Variants in TERF2 observed in about 807,000 individuals in gnomAD.
The protein encoded by TERF2 is telomeric repeat-binding factor 2.
TERF2 carries 16 observed loss-of-function variants against 56.1 expected under a neutral mutation model. The observed-to-expected ratio is 0.29, with a 90% CI of 0.19 to 0.43. TERF2 has a LOEUF of 0.43. Ranked by LOEUF, TERF2 falls within the 20% of genes least tolerant of loss-of-function variation. The pLI, the probability that TERF2 is intolerant of heterozygous loss-of-function variation, is 1.00. For synonymous variants in TERF2, 296 were observed against 282.1 expected (o/e 1.05, Z -0.50); for missense variants, 547 against 712.9 (o/e 0.77, Z 2.65).
At chr16:69,384,438 C>T (rs1468144608) in intron 3 of TERF2, 142 bp downstream of exon 3, 7 of 865,050 alleles carry the variant, frequency 8.1e-6, no homozygotes, top group Non-Finnish European at 1.0e-5. Flanking sequence ...GAAGAAATAA[C>T]GTCTGTGTGT....
intron 3 of TERF2, among the ~76,000 whole-genome samples, chr16:69,384,307 T>G (rs1287561668): frequency 1.3e-5 from 2 of 152,176 alleles, no homozygotes; most frequent in Non-Finnish European, 2.9e-5. Flanking sequence ...TGCTCCCGAA[T>G]GGTGCAGTAA....
At position 69,385,809 on chromosome 16, in the gene TERF2, G is replaced by T. The variant is rs2014181904; in HGVS notation, c.163C>A (p.Arg55=). The change falls in exon 1 of 10, where the codon CGG becomes AGG. Residue 55 remains arginine, a synonymous_variant. Coordinates refer to ENST00000254942, the MANE Select transcript of TERF2 (RefSeq NM_005652.5). Reference sequence around the variant, plus strand: ...CGGGACGCCCGCCTGCCAGCTGCCCGCCCGCTGCCGTCGCTACTCCCGCCT... The same window carrying T: ...CGGGACGCCCGCCTGCCAGCTGCCCTCCCGCTGCCGTCGCTACTCCCGCCT... ...GGGGSSDGSG[R]AAGRRASRSS... 3 of 1,306,156 alleles carry T rather than the reference G, an allele frequency of 2.3e-6. No homozygotes were observed. Among genetic ancestry groups the T allele is most frequent in the East Asian group, 6.4e-5 (2 of 31,018 alleles). 80.9% of individuals were successfully genotyped at this position (1,306,156 alleles called of 1,614,324 possible).
At chr16:69,378,401 T>A (rs994241184) in intron 3 of TERF2, among the ~76,000 whole-genome samples, 1 of 152,198 alleles carries the variant, frequency 6.6e-6, no homozygotes, top group Non-Finnish European at 1.5e-5. Flanking sequence ...GCCACCGTCA[T>A]TGCTAGGCAG....
chr16:69,385,268 T>G (rs183311789), intron 2 of TERF2, 123 bp downstream of exon 2: 1 of 813,452 alleles, frequency 1.2e-6, no homozygotes, highest in Admixed American at 2.4e-5. Context: ...CATCGTAGAA[T>G]GAAAAAGACC....
intron 7 of TERF2, chr16:69,365,518 AGTT>A (rs1348856478): frequency 1.3e-5 from 2 of 152,480 alleles, no homozygotes; most frequent in African/African-American, 2.4e-5. Flanking sequence ...AGGAGGGAGA[AGTT>A]GTTTTTGTTT....
chr16:69,357,064 A>C lies in TERF2; in HGVS notation c.1471-8T>G. 1 of 1,601,470 alleles carries C rather than the reference A, an allele frequency of 6.2e-7. No individual in the cohort carries two copies. Among genetic ancestry groups the C allele is most frequent in the Non-Finnish European group, 8.5e-7 (1 of 1,175,924 alleles). On this transcript the variant is annotated splice_region_variant and splice_polypyrimidine_tract_variant and intron_variant, in intron 9 of 9. Transcript: ENST00000254942. ...TTCTTCTACAGTCCACTTCTGCAAA[A>C]GAAAACCAAAAGATTTATTACCACC...
chr16:69,380,017 G>A (rs989017121), intron 3 of TERF2, among the ~76,000 whole-genome samples: 1 of 151,920 alleles, frequency 6.6e-6, no homozygotes, highest in African/African-American at 2.4e-5. Flanking sequence ...GGGTTCAAGC[G>A]ATTCTCATGC....
chr16:69,360,261 T>C (rs1202164236), intron 8 of TERF2, among the ~76,000 whole-genome samples: 1 of 151,632 alleles, frequency 6.6e-6, no homozygotes, highest in East Asian at 2.0e-4. Flanking sequence ...GCGACACACC[T>C]GCAATCCCAG....
intron 3 of TERF2, 123 bp from the exon 4 acceptor site, chr16:69,372,478 T>C: frequency 3.0e-6 from 2 of 660,122 alleles, no homozygotes; most frequent in East Asian, 3.3e-5. Flanking sequence ...CTAACAATTA[T>C]AAAGCCAGGC....
At chr16:69,385,260 T>C (rs1243800722) in intron 2 of TERF2, 131 bp downstream of exon 2, 1 of 740,092 alleles carries the variant, frequency 1.4e-6, no homozygotes, top group African/African-American at 1.7e-5. Flanking sequence ...AACAGACCCA[T>C]CGTAGAATGA....
In TERF2 at chr16:69,367,164, A is replaced by G; in HGVS notation, c.983T>C (p.Met328Thr). The change falls in exon 7 of 10, where the codon ATG becomes ACG. Residue 328 changes from methionine (M) to threonine (T), a missense_variant. This residue lies in a region of TERF2 where 211 missense variants were observed against 236.8 expected (regional missense o/e 0.89). Transcript: ENST00000254942. ...AGTCTTGAAAGCTGCTTTCAGAGTC[A>G]TCATTCCAATGGTGGTTGGAGGATT... is the stretch of plus-strand genomic sequence containing the variant. ...LRNPPTTIGMMTLKAAFKTLS... is the reference protein window; with the variant it reads ...LRNPPTTIGMTTLKAAFKTLS... The G allele has an allele frequency of 6.2e-7, 1 of 1,614,032 alleles. No individual in the cohort carries two copies. Among genetic ancestry groups the G allele is most frequent in the South Asian group, 1.1e-5 (1 of 91,088 alleles).
At position 69,356,944 on chromosome 16, in the gene TERF2, A is replaced by G; in HGVS notation, c.1583T>C (p.Met528Thr). 1 of 1,614,040 alleles carries G rather than the reference A, an allele frequency of 6.2e-7. No homozygotes were observed. Among genetic ancestry groups the G allele is most frequent in the Non-Finnish European group, 8.5e-7 (1 of 1,180,014 alleles). ...NYPFVNRTAV[M>T]IKDRWRTMKR... is the part of the protein sequence containing the mutation. ...CATGGTCCGCCAGCGATCCTTAATC[A>G]TCACAGCTGTTCGGTTAACAAATGG... Residue 528 changes from methionine (M) to threonine (T), a missense_variant, in exon 10 of 10, where the codon ATG becomes ACG. Physicochemically the swap from Met to Thr is moderately conservative, Grantham distance 81. Transcript: ENST00000254942.
rs1226493093 is a variant in TERF2, at chr16:69,355,841, AT to A, written c.*1056del. The A allele has an allele frequency of 1.2e-5, 2 of 161,306 alleles. No individual in the cohort carries two copies. The highest frequency in any genetic ancestry group is 6.1e-5 in the Admixed American group (1 of 16,304). 10.0% of individuals were successfully genotyped at this position (161,306 alleles called of 1,614,324 possible). ...AAATTAGGCATTTATATTCAATCGGATTTTTTTTAAGCTTTAAAAGTCCAGC... is the reference window on the plus strand; with the variant it reads ...AAATTAGGCATTTATATTCAATCGGATTTTTTTAAGCTTTAAAAGTCCAGC... On this transcript the variant is annotated 3_prime_UTR_variant, in exon 10 of 10. Coordinates refer to ENST00000254942, the MANE Select transcript of TERF2 (RefSeq NM_005652.5).
At chr16:69,381,828 A>C (rs1002620763) in intron 3 of TERF2, among the ~76,000 whole-genome samples, 1 of 152,208 alleles carries the variant, frequency 6.6e-6, no homozygotes, top group Admixed American at 6.5e-5. Context: ...TGTTTACTCA[A>C]GGCTCTAGAG....
chr16:69,368,008 G>A (rs180787183), intron 6 of TERF2, among the ~76,000 whole-genome samples: 11 of 152,244 alleles, frequency 7.2e-5, no homozygotes, highest in Middle Eastern at 3.4e-3. Context: ...GGGCATCTAA[G>A]CTTGTGACCC....
rs746325050 is a variant in TERF2, at chr16:69,385,539, C to G, written c.380-53G>C. On this transcript the variant is annotated intron_variant, in intron 1 of 9. Transcript: ENST00000254942. ...CGACCCCCAGTCCCGACTCCCGGTC[C>G]CCCGGACCCCCTTCCCCGGCGCTCC... 12 of 1,594,822 alleles carry G rather than the reference C, an allele frequency of 7.5e-6. No individual in the cohort carries two copies. In the South Asian group the frequency reaches 1.3e-4, roughly 18 times the overall value.
chr16:69,372,225 T>G, intron 4 of TERF2, 44 bp downstream of exon 4: 140 of 1,365,370 alleles, frequency 1.0e-4, no homozygotes, highest in Non-Finnish European at 1.3e-4. Context: ...CAAAAAGCAA[T>G]GAGATGAATT....
At chr16:69,365,920 G>A (rs961518059) in intron 7 of TERF2, 6 of 152,182 alleles carry the variant, frequency 3.9e-5, no homozygotes, top group African/African-American at 9.7e-5. Context: ...AAAATCCAAA[G>A]CCCATCTTTG....
intron 2 of TERF2, 96 bp from the exon 3 acceptor site, chr16:69,384,806 T>C (rs2014129466): frequency 7.0e-6 from 8 of 1,143,392 alleles, no homozygotes; most frequent in Admixed American, 3.1e-5. Flanking sequence ...AAATGGAGCA[T>C]GCAAATATGG....
Sources: gnomAD v4.1 joint callset for allele counts (sites outside exome capture counted in the v4.1 genomes callset) on GRCh38, gnomAD v4.1.1 for gene constraint, gnomAD v4.1.1 regional missense constraint, MANE v1.5 for transcripts, NCBI Gene and HGNC (gene_info 2026-07-23, HGNC 2026-07-21) for gene names.